Variants in NGLY1 observed in about 807,000 individuals in gnomAD.
The protein encoded by NGLY1 is N-glycanase 1, also known as peptide-N(4)-(N-acetyl-beta-glucosaminyl)asparagine amidase.
In NGLY1, 68 loss-of-function variants were observed where a neutral mutation model predicts 84.6. The observed-to-expected ratio is 0.80, with a 90% CI of 0.66 to 0.98. The LOEUF is 0.98. Ranked by LOEUF, NGLY1 falls within the 50% of genes least tolerant of loss-of-function variation. The probability of loss-of-function intolerance (pLI) is 0.00; values close to 1 mark genes in which losing one functional copy is unlikely to be tolerated. For missense variants in NGLY1, 779 were observed against 770.2 expected, an observed-to-expected ratio of 1.01 and a Z score of -0.14; for synonymous variants, 280 against 275.2, an observed-to-expected ratio of 1.02 and a Z score of -0.17.
At chr3:25,782,826 T>C (rs531459245) in intron 1 of NGLY1, 5 of 169,204 alleles carry the variant, frequency 3.0e-5, no homozygotes, top group Non-Finnish European at 5.2e-5. Flanking sequence ...CTGATAAGTA[T>C]GTGGAAATGT....
rs1291823983 is a variant in NGLY1, at chr3:25,733,988, A to G, written c.1150-6T>C. 5.6e-6 allele frequency: 9 copies of G among 1,611,662 alleles called. No individual in the cohort carries two copies. The highest frequency in any genetic ancestry group is 7.6e-6 in the Non-Finnish European group (9 of 1,178,168). On this transcript the variant is annotated splice_region_variant and splice_polypyrimidine_tract_variant and intron_variant, in intron 7 of 11. Coordinates refer to ENST00000280700, the MANE Select transcript of NGLY1 (RefSeq NM_018297.4). ...CGCCAAGTGACATCAACTACCTGAA[A>G]CAAATAACAGAATACAAATACTTAA...
chr3:25,751,531 A>G (rs1002817442), intron 3 of NGLY1, among the ~76,000 whole-genome samples: 7 of 152,240 alleles, frequency 4.6e-5, no homozygotes, highest in Non-Finnish European at 1.0e-4. Context: ...TCTTGAATAC[A>G]AGCATGGATC....
At chr3:25,754,008 C>G (rs1706897309) in intron 3 of NGLY1, among the ~76,000 whole-genome samples, 1 of 152,070 alleles carries the variant, frequency 6.6e-6, no homozygotes, top group African/African-American at 2.4e-5. Context: ...TAATGACAGA[C>G]CCACCACAGT....
At chr3:25,744,683 G>A (rs1333083751) in intron 4 of NGLY1, among the ~76,000 whole-genome samples, 1 of 152,140 alleles carries the variant, frequency 6.6e-6, no homozygotes, top group African/African-American at 2.4e-5. Context: ...CTTCCCTTGC[G>A]GCTAAGTGTG....
At chr3:25,735,861 A>G (rs147632725) in intron 7 of NGLY1, 143 bp downstream of exon 7, 2 of 709,522 alleles carry the variant, frequency 2.8e-6, no homozygotes, top group Non-Finnish European at 4.4e-6. Context: ...TGATGATTTC[A>G]GTGTATACAA....
chr3:25,721,201 T>C (rs959706659), intron 10 of NGLY1, among the ~76,000 whole-genome samples: 6 of 152,102 alleles, frequency 3.9e-5, no homozygotes, highest in Non-Finnish European at 8.8e-5. Context: ...AATGACCCTG[T>C]TGTCTCAGCC....
At chr3:25,763,281 A>G (rs1707401740) in intron 3 of NGLY1, among the ~76,000 whole-genome samples, 1 of 152,260 alleles carries the variant, frequency 6.6e-6, no homozygotes, top group African/African-American at 2.4e-5. Flanking sequence ...AGATTGGTTA[A>G]CTATGTGCAT....
upstream of NGLY1, among the ~76,000 whole-genome samples, chr3:25,784,826 T>A (rs1708566484): frequency 6.6e-6 from 1 of 152,220 alleles, no homozygotes; most frequent in Non-Finnish European, 1.5e-5. Context: ...AGTATGTTAC[T>A]ACCGTCTGTA....
At chr3:25,764,023 A>C in intron 3 of NGLY1, 43 bp downstream of exon 3, 4 of 1,602,000 alleles carry the variant, frequency 2.5e-6, no homozygotes, top group Non-Finnish European at 3.4e-6. Context: ...CTGTTTCAAC[A>C]CTTTGAAAGA....
chr3:25,751,258 A>C lies in NGLY1; in HGVS notation c.498T>G (p.Ala166=), dbSNP rs1706734503. 1 of 1,558,598 alleles carries C rather than the reference A, an allele frequency of 6.4e-7. No homozygotes were observed. Among genetic ancestry groups the C allele is most frequent in the Middle Eastern group, 1.7e-4 (1 of 5,828 alleles). The change falls in exon 4 of 12, where the codon GCT becomes GCG. Residue 166 remains alanine (A), a synonymous_variant. Transcript: ENST00000280700. ...GAACTTCTAGAATGGCTGAGTCAGC[A>C]GCAACCTAATAGGAAAAAAAAAAAC... ...SSDPPSASTV[A]ADSAILEVLQ...
upstream of NGLY1, chr3:25,784,272 A>T (rs1419946017): frequency 6.6e-6 from 1 of 152,226 alleles, no homozygotes; most frequent in Non-Finnish European, 1.5e-5. Flanking sequence ...ATAGGTTGCG[A>T]CATAATAATG....
intron 2 of NGLY1, among the ~76,000 whole-genome samples, chr3:25,767,241 G>A (rs1313763522): frequency 6.6e-6 from 1 of 150,404 alleles, no homozygotes; most frequent in Non-Finnish European, 1.5e-5. Context: ...GCAGTGAGCC[G>A]AGATCATGCT....
intron 3 of NGLY1, among the ~76,000 whole-genome samples, chr3:25,751,538 G>C (rs184877354): frequency 3.3e-5 from 5 of 152,238 alleles, no homozygotes; most frequent in Admixed American, 2.6e-4. Context: ...TACAAGCATG[G>C]ATCAATACAG....
upstream of NGLY1, among the ~76,000 whole-genome samples, chr3:25,787,313 C>T (rs1166074243): frequency 1.3e-5 from 2 of 152,158 alleles, no homozygotes; most frequent in Non-Finnish European, 2.9e-5. Context: ...ATCCTAGTAA[C>T]GTTTCCTTCT....
intron 1 of NGLY1, among the ~76,000 whole-genome samples, chr3:25,781,182 C>G (rs1360503907): frequency 1.3e-5 from 2 of 152,124 alleles, no homozygotes; most frequent in African/African-American, 2.4e-5. Flanking sequence ...AACTCCTAAG[C>G]TCAAGCAATC....
chr3:25,757,992 C>G (rs2125531668), intron 3 of NGLY1, among the ~76,000 whole-genome samples: 1 of 152,296 alleles, frequency 6.6e-6, no homozygotes, highest in East Asian at 1.9e-4. Context: ...AGTGGAATTA[C>G]AGATTATATG....
At chr3:25,777,972 T>C (rs1006236034) in intron 2 of NGLY1, 1 of 152,226 alleles carries the variant, frequency 6.6e-6, no homozygotes, top group Non-Finnish European at 1.5e-5. Flanking sequence ...TTGTTCAAGT[T>C]CTTTCAATGC....
At position 25,751,193 on chromosome 3, in the gene NGLY1, G is replaced by C; in HGVS notation, c.563C>G (p.Pro188Arg). 1 of 1,613,510 alleles carries C rather than the reference G, an allele frequency of 6.2e-7. No individual in the cohort carries two copies. Among genetic ancestry groups the C allele is most frequent in the East Asian group, 2.2e-5 (1 of 44,832 alleles). Residue 188 changes from proline to arginine, a missense_variant, in exon 4 of 12, where the codon CCT (proline) becomes CGT (arginine). By Grantham distance (103) the Pro-to-Arg change is moderately radical. Transcript: ENST00000280700. ...NIQHVLVYENPALQEKALACI... is the reference protein window; with the variant it reads ...NIQHVLVYENRALQEKALACI... ...AGCCAACGCTTTCTCCTGAAGAGCA[G>C]GATTTTCATAGACCAGCACATGCTG...
chr3:25,778,355 C>T, intron 2 of NGLY1: 3 of 369,720 alleles, frequency 8.1e-6, no homozygotes, highest in Non-Finnish European at 1.5e-5. Context: ...AACTGAGACT[C>T]GTAAGAATTT....
Sources: gnomAD v4.1 joint callset for allele counts (sites outside exome capture counted in the v4.1 genomes callset) on GRCh38, gnomAD v4.1.1 for gene constraint, MANE v1.5 for transcripts, NCBI Gene and HGNC (gene_info 2026-07-23, HGNC 2026-07-21) for gene names.